The following CADM1 variants were observed in gnomAD, a reference collection of about 807,000 sequenced individuals.
The protein encoded by CADM1 is cell adhesion molecule 1, also known as TSLC-1.
In CADM1, 15 loss-of-function variants were observed where a neutral mutation model predicts 53.1. The observed-to-expected ratio is 0.28, with a 90% CI of 0.19 to 0.44. The LOEUF (loss-of-function observed/expected upper bound fraction) is 0.44. Ranked by LOEUF, CADM1 falls within the 20% of genes least tolerant of loss-of-function variation. The pLI is 1.00. For missense variants in CADM1, 434 were observed against 611.3 expected (o/e 0.71, Z 3.06); for synonymous variants, 281 against 243.0 (o/e 1.16, Z -1.45).
rs192819791 is a variant in CADM1 at position 115,265,638 on chromosome 11, C to T, written c.125-25218G>A. ...GTTGTAAACACAAACACTACTTCTACAATACAGGTTGTCTAATCTGTATTT... is the reference window on the plus strand; with the variant it reads ...GTTGTAAACACAAACACTACTTCTATAATACAGGTTGTCTAATCTGTATTT... On this transcript the variant is annotated intron_variant, in intron 1 of 11. Coordinates refer to ENST00000331581, the MANE Select transcript of CADM1 (RefSeq NM_001301043.2). 2.9e-4 allele frequency among the ~76,000 whole-genome samples: 44 copies of T among 152,286 alleles called. No individual in the cohort carries two copies. The East Asian group carries it at 6.8e-3, about 23-fold the overall frequency.
intron 9 of CADM1, among the ~76,000 whole-genome samples, chr11:115,194,424 G>A (rs1040339440): frequency 6.6e-6 from 1 of 152,218 alleles, no homozygotes; most frequent in Non-Finnish European, 1.5e-5. Flanking sequence ...TGTGCTCGTA[G>A]GGTACGAGCA....
chr11:115,271,091 GT>G (rs1344662259), intron 1 of CADM1, among the ~76,000 whole-genome samples: 12 of 152,182 alleles, frequency 7.9e-5, no homozygotes, highest in African/African-American at 2.7e-4. Flanking sequence ...AGGGACTGAT[GT>G]GTTAATTCAC....
chr11:115,216,928 C>T (rs962956415), intron 6 of CADM1, among the ~76,000 whole-genome samples: 5 of 152,232 alleles, frequency 3.3e-5, no homozygotes, highest in East Asian at 1.9e-4. Flanking sequence ...ACTGTGATGA[C>T]GCTGGCTAGC....
At chr11:115,347,191 AC>A (rs1471902964) in intron 1 of CADM1, among the ~76,000 whole-genome samples, 2 of 152,160 alleles carry the variant, frequency 1.3e-5, no homozygotes, top group Non-Finnish European at 2.9e-5. Context: ...AACCACAGTG[AC>A]AAGCAGGCTT....
intron 1 of CADM1, among the ~76,000 whole-genome samples, chr11:115,284,776 T>C (rs1217522697): frequency 6.6e-6 from 1 of 152,226 alleles, no homozygotes; most frequent in African/African-American, 2.4e-5. Context: ...TATTATTTCA[T>C]GCCCTAATAT....
At chr11:115,375,727 T>C (rs1289975413) in intron 1 of CADM1, among the ~76,000 whole-genome samples, 9 of 152,098 alleles carry the variant, frequency 5.9e-5, no homozygotes, top group African/African-American at 2.2e-4. Flanking sequence ...AATCAAGATA[T>C]ATTGCACGTA....
In CADM1 at chr11:115,271,351, C is replaced by T. The variant is rs112766995; in HGVS notation, c.125-30931G>A. On this transcript the variant is annotated intron_variant, in intron 1 of 11. Transcript: ENST00000331581. Reference sequence around the variant, plus strand: ...AGGCTAGAGGGCAGTGGTGCCATCTCGGCTCACTGCAAGCTCTGCCTCCCG... The same window carrying T: ...AGGCTAGAGGGCAGTGGTGCCATCTTGGCTCACTGCAAGCTCTGCCTCCCG... Among the ~76,000 whole-genome samples the T allele has an allele frequency of 1.6e-3, 251 of 152,242 alleles. 3 individuals are homozygous for T. The highest frequency in any genetic ancestry group is 5.6e-3 in the African/African-American group (231 of 41,542).
At chr11:115,210,974 T>A (rs1232090738) in intron 7 of CADM1, among the ~76,000 whole-genome samples, 2 of 152,130 alleles carry the variant, frequency 1.3e-5, no homozygotes, top group Non-Finnish European at 2.9e-5. Flanking sequence ...TCCTTTAAGA[T>A]GGGGATACAA....
At chr11:115,367,973 A>G (rs928953003) in intron 1 of CADM1, among the ~76,000 whole-genome samples, 1 of 152,104 alleles carries the variant, frequency 6.6e-6, no homozygotes, top group East Asian at 1.9e-4. Context: ...TATTTCCTTC[A>G]TTTAGTTGTA....
rs144550858 is a variant in CADM1 at position 115,395,453 on chromosome 11, A to G, written c.124+108818T>C. ...CTGCTGTTTCTGAAGCTGGCTCAAC[A>G]AAATGCTGAAAAAAAATCATTATAG... On this transcript the variant is annotated intron_variant, in intron 1 of 11. Transcript: ENST00000331581. Among the ~76,000 whole-genome samples, 768 of 152,306 alleles carry G rather than the reference A, an allele frequency of 5.0e-3. 10 individuals carry two copies. Among genetic ancestry groups the G allele is most frequent in the African/African-American group, 0.018 (737 of 41,562 alleles).
chr11:115,352,158 A>G (rs975828144), intron 1 of CADM1, among the ~76,000 whole-genome samples: 1 of 152,214 alleles, frequency 6.6e-6, no homozygotes, highest in Non-Finnish European at 1.5e-5. Context: ...CCATAACAAA[A>G]TCTCTGAAAC....
intron 11 of CADM1, among the ~76,000 whole-genome samples, chr11:115,178,362 C>T (rs571493174): frequency 3.9e-5 from 6 of 151,916 alleles, no homozygotes; most frequent in African/African-American, 1.4e-4. Flanking sequence ...CCTCTATCCC[C>T]AATTATGGAT....
At chr11:115,210,200 A>G (rs980102821) in intron 7 of CADM1, among the ~76,000 whole-genome samples, 3 of 152,238 alleles carry the variant, frequency 2.0e-5, no homozygotes, top group Non-Finnish European at 4.4e-5. Flanking sequence ...TACAAAGAAG[A>G]GAGAATGTCA....
chr11:115,334,676 T>A (rs1591718687), intron 1 of CADM1, among the ~76,000 whole-genome samples: 1 of 152,130 alleles, frequency 6.6e-6, no homozygotes, highest in Non-Finnish European at 1.5e-5. Context: ...CTGGGGATCT[T>A]GGAATACATC....
chr11:115,338,680 T>G (rs1945330992), intron 1 of CADM1, among the ~76,000 whole-genome samples: 1 of 152,084 alleles, frequency 6.6e-6, no homozygotes. Context: ...TACTGTGGTG[T>G]GTGCTATGGC....
chr11:115,251,367 G>A (rs1459298362), intron 1 of CADM1, among the ~76,000 whole-genome samples: 1 of 151,068 alleles, frequency 6.6e-6, no homozygotes, highest in Non-Finnish European at 1.5e-5. Flanking sequence ...GGACAAGCAA[G>A]TAAGGATATC....
rs1299891112 is a variant in CADM1 at position 115,335,752 on chromosome 11, C to T, written c.125-95332G>A. Among the ~76,000 whole-genome samples the T allele has an allele frequency of 2.0e-5, 3 of 152,112 alleles. No individual in the cohort carries two copies. The East Asian group carries it at 5.8e-4, about 29-fold the overall frequency. ...TATGCAGCACTCTTCCAAATGGTGACACATTTCATTATTCAGTATCAAAAA... is the reference window on the plus strand; with the variant it reads ...TATGCAGCACTCTTCCAAATGGTGATACATTTCATTATTCAGTATCAAAAA... On this transcript the variant is annotated intron_variant, in intron 1 of 11. Transcript: ENST00000331581.
intron 9 of CADM1, among the ~76,000 whole-genome samples, chr11:115,196,607 A>AAAAT (rs1940163710): frequency 6.7e-6 from 1 of 149,284 alleles, no homozygotes; most frequent in Non-Finnish European, 1.5e-5. Flanking sequence ...AAAAAAAAAA[A>AAAAT]AAAAAAAAAA....
At chr11:115,494,100 G>A (rs572170648) in intron 1 of CADM1, among the ~76,000 whole-genome samples, 1 of 152,230 alleles carries the variant, frequency 6.6e-6, no homozygotes, top group African/African-American at 2.4e-5. Context: ...GTGGCTTAGG[G>A]AAGAAAAAAG....
Sources: allele counts gnomAD v4.1 joint callset (sites outside exome capture counted in the v4.1 genomes callset), GRCh38; gene constraint gnomAD v4.1.1; transcripts MANE v1.5; gene names NCBI Gene and HGNC (gene_info 2026-07-23, HGNC 2026-07-21).